The following LMBRD2 variants were observed in gnomAD, a reference collection of about 807,000 sequenced individuals.
LMBRD2 encodes the protein G protein-coupled receptor-associated protein LMBRD2.
LMBRD2 carries 55 observed loss-of-function variants against 94.4 expected under a neutral mutation model. That is an observed-to-expected ratio of 0.58 (90% CI 0.47 to 0.73). The LOEUF (loss-of-function observed/expected upper bound fraction) is 0.73. Ranked by LOEUF, LMBRD2 falls within the 30% of genes least tolerant of loss-of-function variation. The pLI, the probability that LMBRD2 is intolerant of heterozygous loss-of-function variation, is 0.00. For synonymous variants in LMBRD2, 246 were observed against 272.4 expected, an observed-to-expected ratio of 0.90 and a Z score of 0.95; for missense variants, 640 against 831.9, an observed-to-expected ratio of 0.77 and a Z score of 2.84.
At chr5:36,125,869 T>G (rs1018598482) in intron 6 of LMBRD2, among the ~76,000 whole-genome samples, 6 of 152,032 alleles carry the variant, frequency 3.9e-5, no homozygotes, top group Non-Finnish European at 7.4e-5. Flanking sequence ...ACAAAATATA[T>G]AGAAGTCAGT....
chr5:36,134,001 T>C (rs1359923434), intron 6 of LMBRD2, among the ~76,000 whole-genome samples: 1 of 151,804 alleles, frequency 6.6e-6, no homozygotes, highest in Non-Finnish European at 1.5e-5. Flanking sequence ...TGGAACGCTA[T>C]CAAACTTAAA....
intron 12 of LMBRD2, among the ~76,000 whole-genome samples, chr5:36,114,781 G>C (rs572834679): frequency 6.6e-6 from 1 of 152,140 alleles, no homozygotes; most frequent in East Asian, 1.9e-4. Context: ...GTATAGGTCA[G>C]TTCTTTTGAT....
At chr5:36,146,573 T>G (rs1025374373) in intron 1 of LMBRD2, among the ~76,000 whole-genome samples, 2 of 152,160 alleles carry the variant, frequency 1.3e-5, no homozygotes, top group Non-Finnish European at 2.9e-5. Context: ...GACAGGGTCT[T>G]GCTATGTTGC....
intron 5 of LMBRD2, among the ~76,000 whole-genome samples, 178 bp downstream of exon 5, chr5:36,137,094 TCA>T (rs2111901080): frequency 6.6e-6 from 1 of 152,308 alleles, no homozygotes; most frequent in Non-Finnish European, 1.5e-5. Flanking sequence ...TTTAAAGATG[TCA>T]TTCCATATTT....
chr5:36,102,452 C>T lies in LMBRD2; in HGVS notation c.*1594G>A, dbSNP rs896168539. ...CTTATTGCTTTCTGGCCACACTTCA[C>T]ATGAAAAGACTGTATGTGTGTGTTC... On this transcript the variant is annotated 3_prime_UTR_variant, in exon 18 of 18. Coordinates refer to ENST00000296603, the MANE Select transcript of LMBRD2 (RefSeq NM_001007527.2). 1 of 151,756 alleles carries T rather than the reference C, an allele frequency of 6.6e-6. No individual in the cohort carries two copies. The highest frequency in any genetic ancestry group is 2.1e-4 in the South Asian group (1 of 4,828). The allele number at this position is 151,756 out of a possible 1,614,324, so 9.4% of individuals were successfully genotyped here.
At chr5:36,118,200 A>T (rs999908017) in intron 9 of LMBRD2, among the ~76,000 whole-genome samples, 3 of 152,200 alleles carry the variant, frequency 2.0e-5, no homozygotes, top group African/African-American at 7.2e-5. Context: ...AAGAAACATC[A>T]AAGTCAAATT....
At chr5:36,127,452 T>A (rs1383908278) in intron 6 of LMBRD2, among the ~76,000 whole-genome samples, 1 of 152,190 alleles carries the variant, frequency 6.6e-6, no homozygotes, top group Admixed American at 6.5e-5. Context: ...GCTATAGTAC[T>A]AAGTGGGCTC....
At position 36,098,852 on chromosome 5, in the gene LMBRD2, C is replaced by CAGAT. The variant is rs1331877283; in HGVS notation, c.*5190_*5193dup. ...ATAGTTTAATCTACAACCCAATGAT[C>CAGAT]AGATAGTAAAACATTTGTCATTACA... On this transcript the variant is annotated 3_prime_UTR_variant, in exon 18 of 18. Transcript: ENST00000296603. 2 of 152,012 alleles carry CAGAT rather than the reference C, an allele frequency of 1.3e-5. No homozygotes were observed. The highest frequency in any genetic ancestry group is 2.9e-5 in the Non-Finnish European group (2 of 67,936). The allele number at this position is 152,012 out of a possible 1,614,324, so 9.4% of individuals were successfully genotyped here.
chr5:36,142,471 G>T, intron 3 of LMBRD2, 31 bp downstream of exon 3: 2 of 1,275,964 alleles, frequency 1.6e-6, no homozygotes, highest in Non-Finnish European at 2.3e-6. Context: ...CCCCTACAAT[G>T]TTTATATATT....
intron 16 of LMBRD2, 51 bp from the exon 17 acceptor site, chr5:36,105,248 T>C (rs762282689): frequency 2.2e-5 from 34 of 1,571,412 alleles, no homozygotes; most frequent in Non-Finnish European, 2.7e-5. Context: ...TTTTAACTTA[T>C]GGGTCACAGT....
chr5:36,132,841 T>C (rs1016947580), intron 6 of LMBRD2, among the ~76,000 whole-genome samples: 2 of 151,956 alleles, frequency 1.3e-5, no homozygotes, highest in Admixed American at 1.3e-4. Context: ...GAAATGCTAC[T>C]GATTTTTGAA....
rs116040883 is a variant in LMBRD2, at chr5:36,120,995, A to T, written c.1120+1285T>A. ...CTTTTCTCTTTTCTCTATCTCAATTACTTCTTTATTGATTTTATCCTGACC... is the reference window on the plus strand; with the variant it reads ...CTTTTCTCTTTTCTCTATCTCAATTTCTTCTTTATTGATTTTATCCTGACC... On this transcript the variant is annotated intron_variant, in intron 9 of 17. Coordinates refer to ENST00000296603, the MANE Select transcript of LMBRD2 (RefSeq NM_001007527.2). 9.6e-3 allele frequency among the ~76,000 whole-genome samples: 1,423 copies of T among 147,660 alleles called. 9 individuals carry two copies. Among genetic ancestry groups the T allele is most frequent in the Non-Finnish European group, 0.014 (947 of 65,964 alleles).
rs1344792539 is a variant in LMBRD2 at position 36,111,169 on chromosome 5, T to C, written c.1730A>G (p.Glu577Gly). The part of the protein sequence containing the change: ...MTSDLVNEGK[E>G]LIRKEKRKRQ... ...ACAAATCTTACCTTTTCTGATTAAT[T>C]CTTTTCCTTCATTAACTAAGTCTGA... Residue 577 changes from glutamate to glycine, a missense_variant, in exon 14 of 18, where the codon GAA becomes GGA. By Grantham distance (98) the Glu-to-Gly change is moderately conservative. Transcript: ENST00000296603. The C allele has an allele frequency of 2.5e-6, 4 of 1,600,032 alleles. No homozygotes were observed. Among genetic ancestry groups the C allele is most frequent in the African/African-American group, 1.3e-5 (1 of 74,590 alleles).
At position 36,127,666 on chromosome 5, in the gene LMBRD2, G is replaced by A. The variant is rs1456218520; in HGVS notation, c.748-3401C>T. ...TGGCCCTGGGGCAGTAGTGGCCATG[G>A]AGAGAGACTCCTCTGCTTGTGAAAA... is the stretch of plus-strand genomic sequence containing the variant. On this transcript the variant is annotated intron_variant, in intron 6 of 17. Transcript: ENST00000296603. Among the ~76,000 whole-genome samples the A allele has an allele frequency of 4.6e-5, 7 of 152,296 alleles. No homozygotes were observed. In the South Asian group the frequency reaches 1.2e-3, roughly 27 times the overall value.
intron 10 of LMBRD2, 42 bp from the exon 11 acceptor site, chr5:36,116,635 A>G: frequency 1.9e-6 from 3 of 1,586,102 alleles, no homozygotes; most frequent in Non-Finnish European, 2.6e-6. Flanking sequence ...TAAAACAAAC[A>G]GACTTTAGCA....
intron 6 of LMBRD2, among the ~76,000 whole-genome samples, chr5:36,131,539 T>G (rs1197776255): frequency 6.6e-6 from 1 of 152,018 alleles, no homozygotes; most frequent in Non-Finnish European, 1.5e-5. Flanking sequence ...AAGAAAGAAG[T>G]CAAATTATCC....
At chr5:36,112,572 G>A (rs1402392751) in intron 13 of LMBRD2, among the ~76,000 whole-genome samples, 4 of 152,076 alleles carry the variant, frequency 2.6e-5, no homozygotes, top group Non-Finnish European at 4.4e-5. Context: ...GAGTTAATCC[G>A]AAAATTAAGG....
intron 17 of LMBRD2, among the ~76,000 whole-genome samples, chr5:36,104,837 A>G (rs1743425828): frequency 6.6e-6 from 1 of 152,056 alleles, no homozygotes; most frequent in Admixed American, 6.6e-5. Flanking sequence ...GTATTGTATG[A>G]AGATAACAAT....
chr5:36,140,604 G>A (rs191060782), intron 4 of LMBRD2, among the ~76,000 whole-genome samples: 17 of 152,284 alleles, frequency 1.1e-4, no homozygotes, highest in Middle Eastern at 6.8e-3. Flanking sequence ...AAGAGCTGCC[G>A]TCTGATGACT....
Sources: gnomAD v4.1 joint callset for allele counts (sites outside exome capture counted in the v4.1 genomes callset) on GRCh38, gnomAD v4.1.1 for gene constraint, MANE v1.5 for transcripts, NCBI Gene and HGNC (gene_info 2026-07-23, HGNC 2026-07-21) for gene names.